The following ANXA3 variants were observed in gnomAD, a reference collection of about 807,000 sequenced individuals.
ANXA3 encodes the protein annexin A3.
ANXA3 carries 46 observed loss-of-function variants against 48.8 expected under a neutral mutation model. The observed-to-expected ratio is 0.94, with a 90% confidence interval of 0.74 to 1.21. ANXA3 has a LOEUF of 1.21. Among genes scored for constraint, ANXA3 ranks in the 50% most tolerant of loss-of-function variants. The pLI is 0.00. For synonymous variants in ANXA3, 128 were observed against 134.7 expected (o/e 0.95, Z 0.35); for missense variants, 383 against 378.6 (o/e 1.01, Z -0.10).
In ANXA3 at chr4:78,601,557, C is replaced by T. The variant is rs540951499; in HGVS notation, c.778C>T (p.Arg260Ter). Residue 260 changes from arginine to a stop codon, truncating the protein, a stop_gained, in exon 11 of 13, where the codon CGA (arginine) becomes TGA (stop). Transcript: ENST00000264908. LOFTEE classifies it high-confidence loss of function. Reference sequence around the variant, plus strand: ...GGCCTTTTTAGCCGAAAGACTGCATCGAGCCTTGAAGGTTGGTCTGGAAAG... The same window carrying T: ...GGCCTTTTTAGCCGAAAGACTGCATTGAGCCTTGAAGGTTGGTCTGGAAAG... ...TPAFLAERLH[R>*]ALKGIGTDEF... is the part of the protein sequence containing the mutation. 1.2e-5 allele frequency: 20 copies of T among 1,613,844 alleles called. 1 individual carries two copies. The Admixed American group carries it at 1.7e-4, about 13-fold the overall frequency.
intron 3 of ANXA3, among the ~76,000 whole-genome samples, chr4:78,577,309 T>C (rs1344976036): frequency 6.6e-6 from 1 of 152,168 alleles, no homozygotes; most frequent in African/African-American, 2.4e-5. Context: ...GAATCTGAGA[T>C]GATTCCCAGG....
chr4:78,557,915 A>G (rs1399538053), intron 2 of ANXA3, among the ~76,000 whole-genome samples: 1 of 152,220 alleles, frequency 6.6e-6, no homozygotes, highest in Non-Finnish European at 1.5e-5. Context: ...AAAGGTATCT[A>G]TACACCCATG....
Position 78,595,432 on chromosome 4 carries a change from G to A in ANXA3, c.535G>A (p.Ala179Thr). The A allele has an allele frequency of 6.2e-7, 1 of 1,613,112 alleles. No individual in the cohort carries two copies. The highest frequency in any genetic ancestry group is 1.7e-5 in the Admixed American group (1 of 59,786). ...GGATGAGCATCTGGCCAAACAAGAT[G>A]CCCAGGTCAGTAACAAAGCGGGAAA... The part of the protein sequence containing the change: ...KVDEHLAKQD[A>T]QILYKAGENR... The change falls in exon 8 of 13, where the codon GCC becomes ACC. Residue 179 changes from alanine (A) to threonine (T), a missense_variant. Physicochemically the swap from Ala to Thr is moderately conservative, Grantham distance 58. Transcript: ENST00000264908.
In ANXA3 at chr4:78,573,283, C is replaced by A. The variant is rs1479622448; in HGVS notation, c.103+16C>A. The A allele has an allele frequency of 2.2e-5, 34 of 1,577,536 alleles. No individual in the cohort carries two copies. Among genetic ancestry groups the A allele is most frequent in the Non-Finnish European group, 3.0e-5 (34 of 1,148,130 alleles). ...AGAGGAATTGGTGAGTGATATTTTACAATTCCTTTCTTAATGTTGAAGCAA... is the reference window on the plus strand; with the variant it reads ...AGAGGAATTGGTGAGTGATATTTTAAAATTCCTTTCTTAATGTTGAAGCAA... On this transcript the variant is annotated intron_variant, in intron 3 of 12. Transcript: ENST00000264908.
intron 2 of ANXA3, among the ~76,000 whole-genome samples, chr4:78,571,352 A>T (rs149933881): frequency 2.6e-5 from 4 of 152,334 alleles, no homozygotes; most frequent in Non-Finnish European, 4.4e-5. Flanking sequence ...GGTCAGGAAC[A>T]TTCACAACTA....
chr4:78,559,939 T>G (rs1722591297), intron 2 of ANXA3, among the ~76,000 whole-genome samples: 1 of 152,234 alleles, frequency 6.6e-6, no homozygotes, highest in South Asian at 2.1e-4. Flanking sequence ...TAAAATGTAT[T>G]TCTTGCCAAA....
rs1723602054 is a variant in ANXA3, at chr4:78,604,252, T to C, written c.790-25T>C. The C allele has an allele frequency of 1.9e-6, 3 of 1,582,462 alleles. No individual in the cohort carries two copies. In the African/African-American group the frequency reaches 4.0e-5, roughly 21 times the overall value. On this transcript the variant is annotated intron_variant, in intron 11 of 12. Transcript: ENST00000264908. ...GCTTTGTGACCAATGACATTTGTGTTGTGAACACCTGCATTCCTTAACAGG... is the reference window on the plus strand; with the variant it reads ...GCTTTGTGACCAATGACATTTGTGTCGTGAACACCTGCATTCCTTAACAGG...
rs1232085606 is a variant in ANXA3, at chr4:78,610,095, A to T, written c.952A>T (p.Ile318Phe). The T allele has an allele frequency of 2.5e-6, 4 of 1,611,074 alleles. No homozygotes were observed. The highest frequency in any genetic ancestry group is 2.5e-6 in the Non-Finnish European group (3 of 1,178,274). ...SGDYEITLLK[I>F]CGGDD ...AGACTATGAAATCACACTCTTAAAA[A>T]TCTGTGGTGGAGATGACTGAACCAA... Residue 318 changes from isoleucine (I) to phenylalanine (F), a missense_variant, in exon 13 of 13, where the codon ATC becomes TTC. By Grantham distance (21) the Ile-to-Phe change is conservative (BLOSUM62 0). Coordinates refer to ENST00000264908, the MANE Select transcript of ANXA3 (RefSeq NM_005139.3).
At chr4:78,563,441 A>G (rs906233304) in intron 2 of ANXA3, among the ~76,000 whole-genome samples, 2 of 152,008 alleles carry the variant, frequency 1.3e-5, no homozygotes, top group African/African-American at 4.8e-5. Context: ...GACCTTCAGG[A>G]TGATTGGGCG....
In ANXA3 at chr4:78,567,411, C is replaced by T. The variant is rs184649470; in HGVS notation, c.16-5769C>T. Among the ~76,000 whole-genome samples, 24 of 152,114 alleles carry T rather than the reference C, an allele frequency of 1.6e-4. 1 individual carries two copies. In the East Asian group the frequency reaches 4.6e-3, roughly 29 times the overall value. On this transcript the variant is annotated intron_variant, in intron 2 of 12. Transcript: ENST00000264908. ...TGGTATAGGGGAGTAACAGTAATCC[C>T]CATAGGTTCTTAGTTGGAAAGCACC...
At chr4:78,565,546 G>C (rs898307245) in intron 2 of ANXA3, among the ~76,000 whole-genome samples, 2 of 152,188 alleles carry the variant, frequency 1.3e-5, no homozygotes, top group African/African-American at 2.4e-5. Context: ...GTTTCTGGTG[G>C]CTGATGATTG....
intron 6 of ANXA3, among the ~76,000 whole-genome samples, chr4:78,588,476 C>A (rs1359939816): frequency 6.6e-6 from 1 of 152,080 alleles, no homozygotes; most frequent in South Asian, 2.1e-4. Context: ...AGGTTATAAC[C>A]CCCCAGACCT....
At chr4:78,594,448 A>T (rs1454943217) in intron 7 of ANXA3, among the ~76,000 whole-genome samples, 8 of 152,212 alleles carry the variant, frequency 5.3e-5, no homozygotes, top group South Asian at 2.1e-4. Flanking sequence ...TAGCTTTATT[A>T]AAAAACTGCA....
intron 2 of ANXA3, among the ~76,000 whole-genome samples, chr4:78,571,739 C>G (rs551359085): frequency 6.6e-6 from 1 of 152,206 alleles, no homozygotes; most frequent in Non-Finnish European, 1.5e-5. Flanking sequence ...TTTTTCTCAA[C>G]ATCTTTGTGG....
At chr4:78,604,421 G>A (rs1287486219) in intron 12 of ANXA3, 22 bp downstream of exon 12, 23 of 1,599,174 alleles carry the variant, frequency 1.4e-5, no homozygotes, top group Non-Finnish European at 2.0e-5. Context: ...TTTAAAAATA[G>A]CAAAACATAT....
At chr4:78,579,193 C>A in intron 4 of ANXA3, 72 bp downstream of exon 4, 2 of 994,096 alleles carry the variant, frequency 2.0e-6, no homozygotes, top group South Asian at 1.5e-5. Flanking sequence ...CATGGTTATG[C>A]CCACAGTCTT....
chr4:78,562,608 T>A (rs939944736), intron 2 of ANXA3, among the ~76,000 whole-genome samples: 1 of 152,208 alleles, frequency 6.6e-6, no homozygotes, highest in Non-Finnish European at 1.5e-5. Context: ...TTACTAACTA[T>A]CTTTTATATG....
chr4:78,605,969 G>C (rs1452798087), intron 12 of ANXA3, among the ~76,000 whole-genome samples: 2 of 152,232 alleles, frequency 1.3e-5, no homozygotes, highest in Non-Finnish European at 2.9e-5. Context: ...CTACCTTGAT[G>C]CTCCAGACCA....
chr4:78,606,475 G>A lies in ANXA3; in HGVS notation c.912+2076G>A, dbSNP rs376692970. Among the ~76,000 whole-genome samples, 23 of 152,256 alleles carry A rather than the reference G, an allele frequency of 1.5e-4. 1 individual carries two copies. In the East Asian group the frequency reaches 3.7e-3, roughly 24 times the overall value. ...AGGCTGGAGCACTACCTCTGTGGGG[G>A]AGCTTACACTCAGCGATGTCCCCTG... On this transcript the variant is annotated intron_variant, in intron 12 of 12. Transcript: ENST00000264908.
Sources: gnomAD v4.1 joint callset for allele counts (sites outside exome capture counted in the v4.1 genomes callset) on GRCh38, gnomAD v4.1.1 for gene constraint, MANE v1.5 for transcripts, NCBI Gene and HGNC (gene_info 2026-07-23, HGNC 2026-07-21) for gene names.